PSG4: variants seen among roughly 807,000 people sequenced by gnomAD.
The protein encoded by PSG4 is pregnancy-specific beta-1-glycoprotein 4.
PSG4 carries 61 observed loss-of-function variants against 44.3 expected under a neutral mutation model. The ratio of observed to expected loss-of-function variants is 1.38; its 90% CI spans 1.12 to 1.70. The LOEUF is 1.70. Ranked by LOEUF, PSG4 falls within the 40% of genes most tolerant of loss-of-function variation. PSG4 has a pLI of 0.00. For missense variants in PSG4, 677 were observed against 511.7 expected, an observed-to-expected ratio of 1.32 and a Z score of -3.12; for synonymous variants, 248 against 191.3, an observed-to-expected ratio of 1.30 and a Z score of -2.45.
In PSG4 at chr19:43,202,002, G is replaced by A. The variant is rs922740470; in HGVS notation, c.430+1884C>T. Among the ~76,000 whole-genome samples the A allele has an allele frequency of 2.1e-5, 3 of 144,658 alleles. 1 individual carries two copies. The highest frequency in any genetic ancestry group is 4.5e-5 in the Non-Finnish European group (3 of 67,086). 94.9% of individuals were successfully genotyped at this position (144,658 alleles called of 152,430 possible). On this transcript the variant is annotated intron_variant, in intron 2 of 5. Coordinates refer to ENST00000405312, the MANE Select transcript of PSG4 (RefSeq NM_002780.5). ...CTTAGTGACCTGGGGACATTGGCTC[G>A]AGATGAAGCCTGGCAGGAGTGGCAA...
Position 43,203,923 on chromosome 19 carries a change from A to G in PSG4, c.393T>C (p.Thr131=), listed in dbSNP as rs146147478. The part of the protein sequence containing the change: ...TLHIIKRRDG[T]GGVTGHFTFT... ...AGGTGAAATGTCCAGTTACTCCTCC[A>G]GTCCCATCGCGTCGCTTTATGATGT... The change falls in exon 2 of 6, where the codon ACT becomes ACC. Residue 131 remains threonine, a synonymous_variant. Transcript: ENST00000405312. 2.5e-6 allele frequency: 4 copies of G among 1,585,220 alleles called. 1 individual carries two copies. The highest frequency in any genetic ancestry group is 1.7e-4 in the Middle Eastern group (1 of 5,948).
chr19:43,195,411 A>T, intron 3 of PSG4, 138 bp from the exon 4 acceptor site: 1 of 1,406,354 alleles, frequency 7.1e-7, no homozygotes, highest in South Asian at 1.4e-5. Context: ...CTTCTGTCAC[A>T]AGATAGATGC....
chr19:43,194,891 T>C, intron 4 of PSG4, 104 bp downstream of exon 4: 1 of 1,551,520 alleles, frequency 6.4e-7, no homozygotes, highest in Non-Finnish European at 8.7e-7. Context: ...TGTCCAGAAG[T>C]AAAGGTGTCT....
rs1487145963 is a variant in PSG4, at chr19:43,197,650, C to T, written c.709+347G>A. ...GACATTGTCAGAGGGAAGGGAAAAT[C>T]CTGGTCTGTGGAAGGGCCACAGTGA... On this transcript the variant is annotated intron_variant, in intron 3 of 5. Coordinates refer to ENST00000405312, the MANE Select transcript of PSG4 (RefSeq NM_002780.5). 6.8e-5 allele frequency: 24 copies of T among 352,548 alleles called. 2 individuals carry two copies. In the South Asian group the frequency reaches 8.3e-4, roughly 12 times the overall value. 21.8% of individuals were successfully genotyped at this position (352,548 alleles called of 1,614,324 possible).
chr19:43,198,146 A>T lies in PSG4; in HGVS notation c.560T>A (p.Leu187His). 1.9e-6 allele frequency: 3 copies of T among 1,587,732 alleles called. 1 individual carries two copies. The highest frequency in any genetic ancestry group is 2.6e-6 in the Non-Finnish European group (3 of 1,171,906). The change falls in exon 3 of 6, where the codon CTC (leucine) becomes CAC (histidine). Residue 187 changes from leucine to histidine, a missense_variant. Leu to His is a moderately conservative substitution (Grantham distance 99). Transcript: ENST00000405312. ...SYQWWMNGQS[L>H]PMTHRLQLSK... The stretch of plus-strand genomic sequence containing the variant: ...CAGCTGCAACCTGTGAGTCATAGGG[A>T]GGCTCTGACCATTCATCCACCACTG...
intron 4 of PSG4, 125 bp from the exon 5 acceptor site, chr19:43,194,719 C>T: frequency 1.4e-6 from 2 of 1,472,502 alleles, no homozygotes; most frequent in Middle Eastern, 2.4e-4. Flanking sequence ...CAAACTCCCT[C>T]TATGTTCACT....
Position 43,194,320 on chromosome 19 carries a change from G to C in PSG4, c.1243+20C>G, listed in dbSNP as rs1411182364. 3.1e-6 allele frequency: 5 copies of C among 1,612,044 alleles called. No homozygotes were observed. Among genetic ancestry groups the C allele is most frequent in the Middle Eastern group, 1.7e-4 (1 of 5,978 alleles). On this transcript the variant is annotated intron_variant, in intron 5 of 5. Transcript: ENST00000405312. ...ACTCCACCTAAATCCCTATTGCCAAGGATGCTGGGATCCACTTACCAGAGA... is the reference window on the plus strand; with the variant it reads ...ACTCCACCTAAATCCCTATTGCCAACGATGCTGGGATCCACTTACCAGAGA...
At position 43,194,270 on chromosome 19, in the gene PSG4, T is replaced by C. The variant is rs538994490; in HGVS notation, c.1243+70A>G. 13 of 1,609,394 alleles carry C rather than the reference T, an allele frequency of 8.1e-6. No homozygotes were observed. The East Asian group carries it at 2.9e-4, about 36-fold the overall frequency. Reference sequence around the variant, plus strand: ...CAGGCTGGGAATAAAAATGTTTTCCTCACTCTTCCCTGAATGCCAGATAGA... The same window carrying C: ...CAGGCTGGGAATAAAAATGTTTTCCCCACTCTTCCCTGAATGCCAGATAGA... On this transcript the variant is annotated intron_variant, in intron 5 of 5. Transcript: ENST00000405312.
intron 5 of PSG4, 130 bp downstream of exon 5, chr19:43,194,210 A>C: frequency 3.2e-6 from 5 of 1,579,572 alleles, no homozygotes; most frequent in Non-Finnish European, 4.3e-6. Flanking sequence ...AGTGTTCAGG[A>C]GTAGAATTTG....
intron 2 of PSG4, among the ~76,000 whole-genome samples, chr19:43,201,084 A>G (rs1967489229): frequency 6.9e-6 from 1 of 145,562 alleles, no homozygotes; most frequent in African/African-American, 2.6e-5. Context: ...CCAGCCTCTG[A>G]CACCCTGGTG....
intron 5 of PSG4, 162 bp downstream of exon 5, chr19:43,194,178 G>C: frequency 2.6e-6 from 4 of 1,528,884 alleles, no homozygotes; most frequent in South Asian, 1.3e-5. Context: ...TTAAAGTTTT[G>C]GAAGTTCTTA....
rs1285677858 is a variant in PSG4, at chr19:43,197,937, C to T, written c.709+60G>A. On this transcript the variant is annotated intron_variant, in intron 3 of 5. Coordinates refer to ENST00000405312, the MANE Select transcript of PSG4 (RefSeq NM_002780.5). ...ACCTGAGAGGGACTGAGAGGCCTGG[C>T]CTCTGGCCATGTGTATTTGGGATGG... The T allele has an allele frequency of 5.8e-6, 9 of 1,565,036 alleles. No individual in the cohort carries two copies. In the African/African-American group the frequency reaches 6.3e-5, roughly 11 times the overall value.
intron 2 of PSG4, 103 bp from the exon 3 acceptor site, chr19:43,198,378 A>G (rs1967353244): frequency 4.1e-6 from 6 of 1,475,998 alleles, no homozygotes; most frequent in Non-Finnish European, 5.4e-6. Context: ...AGCCCACCCA[A>G]GTCCTTAAAA....
At chr19:43,194,295 A>T in intron 5 of PSG4, 45 bp downstream of exon 5, 1 of 1,611,356 alleles carries the variant, frequency 6.2e-7, no homozygotes, top group Admixed American at 1.7e-5. Flanking sequence ...TGCCAGATAG[A>T]CTCCACCTAA....
intron 2 of PSG4, 117 bp downstream of exon 2, chr19:43,203,769 G>C (rs1657669800): frequency 6.7e-7 from 1 of 1,490,366 alleles, no homozygotes; most frequent in African/African-American, 1.5e-5. Context: ...CCAAACCCCA[G>C]CATGGGACTT....
rs1967078654 is a variant in PSG4, at chr19:43,192,936, T to A, written c.*436A>T. 2.4e-6 allele frequency: 1 copy of A among 419,486 alleles called. No homozygotes were observed. Among genetic ancestry groups the A allele is most frequent in the African/African-American group, 2.0e-5 (1 of 50,350 alleles). The allele number at this position is 419,486 out of a possible 1,614,324, so 26.0% of individuals were successfully genotyped here. A position where few individuals can be genotyped will look rare whatever the true frequency, so the allele number is the denominator to read the frequency against. On this transcript the variant is annotated 3_prime_UTR_variant, in exon 6 of 6. Transcript: ENST00000405312. ...TGTATGCAAGATGGAGAGAGCCACA[T>A]TTCCCCTGAGATGTTACGTAAAAGT...
At chr19:43,199,403 A>G (rs548792534) in intron 2 of PSG4, among the ~76,000 whole-genome samples, 4 of 145,748 alleles carry the variant, frequency 2.7e-5, no homozygotes, top group East Asian at 4.7e-4. Context: ...GTACAGCTTC[A>G]TGCCTATAGT....
chr19:43,204,198 C>T lies in PSG4; in HGVS notation c.118G>A (p.Ala40Thr). The change falls in exon 2 of 6, where the codon GCC becomes ACC. Residue 40 changes from alanine (A) to threonine (T), a missense_variant. Physicochemically the swap from Ala to Thr is moderately conservative, Grantham distance 58. Transcript: ENST00000405312. Reference protein sequence around the residue: ...PPTTAQVTIEAQPPKVSEGKD... With the variant: ...PPTTAQVTIETQPPKVSEGKD... Reference sequence around the variant, plus strand: ...CCCTCAGAAACTTTGGGTGGCTGGGCTTCAATCGTGACTTGGGCAGTTGTG... The same window carrying T: ...CCCTCAGAAACTTTGGGTGGCTGGGTTTCAATCGTGACTTGGGCAGTTGTG... The T allele has an allele frequency of 6.3e-7, 1 of 1,584,256 alleles. No individual in the cohort carries two copies. The highest frequency in any genetic ancestry group is 8.6e-7 in the Non-Finnish European group (1 of 1,169,558).
rs769771740 is a variant in PSG4 at position 43,194,605 on chromosome 19, G to C, written c.989-11C>G. 1 of 1,606,014 alleles carries C rather than the reference G, an allele frequency of 6.2e-7. No homozygotes were observed. Among genetic ancestry groups the C allele is most frequent in the South Asian group, 1.1e-5 (1 of 90,116 alleles). ...GGAGGTCTGGACCATCTGGCGCAAA[G>C]AGAATAAAGCCATAGGTGATGTCAT... On this transcript the variant is annotated splice_polypyrimidine_tract_variant and intron_variant, in intron 4 of 5. Transcript: ENST00000405312.
Sources: gnomAD v4.1 joint callset for allele counts (sites outside exome capture counted in the v4.1 genomes callset) on GRCh38, gnomAD v4.1.1 for gene constraint, MANE v1.5 for transcripts, NCBI Gene and HGNC (gene_info 2026-07-23, HGNC 2026-07-21) for gene names.